The following EXOC1 variants were observed in gnomAD, a reference collection of about 807,000 sequenced individuals.
EXOC1 encodes exocyst complex component 1.
EXOC1 carries 67 observed loss-of-function variants against 107.7 expected under a neutral mutation model. The ratio of observed to expected loss-of-function variants is 0.62; its 90% confidence interval spans 0.51 to 0.76. The LOEUF is 0.76. EXOC1 is among the 30% of genes least tolerant of loss of function. The pLI, the probability that EXOC1 is intolerant of heterozygous loss-of-function variation, is 0.00. For missense variants in EXOC1, 833 were observed against 1,055.7 expected, an observed-to-expected ratio of 0.79 and a Z score of 2.92; for synonymous variants, 348 against 353.5, an observed-to-expected ratio of 0.98 and a Z score of 0.17.
intron 9 of EXOC1, chr4:55,882,793 C>T (rs937493297): frequency 6.6e-6 from 1 of 151,996 alleles, no homozygotes; most frequent in Admixed American, 6.6e-5. Context: ...TAAACATGTT[C>T]TAAAAATTGA....
rs767840491 is a variant in EXOC1 at position 55,871,962 on chromosome 4, A to G, written c.1074+4A>G. ...CAACAATGTTTTTGTTCAACAGGTA[A>G]TTTTATTTTATTATTAAAACGAGCA... On this transcript the variant is annotated splice_donor_region_variant and intron_variant, in intron 8 of 18. Coordinates refer to ENST00000381295, the MANE Select transcript of EXOC1 (RefSeq NM_001024924.2). The G allele has an allele frequency of 1.6e-5, 25 of 1,610,150 alleles. No individual in the cohort carries two copies. Among genetic ancestry groups the G allele is most frequent in the Non-Finnish European group, 2.0e-5 (24 of 1,177,344 alleles).
Position 55,899,818 on chromosome 4 carries a change from A to G in EXOC1, c.2271A>G (p.Gln757=), listed in dbSNP as rs1725684310. 11 of 1,613,482 alleles carry G rather than the reference A, an allele frequency of 6.8e-6. No homozygotes were observed. The highest frequency in any genetic ancestry group is 8.5e-6 in the Non-Finnish European group (10 of 1,179,754). The part of the protein sequence containing the change: ...CLEAEKKEAK[Q]KYTDHLQSYV... ...AAGCAGAAAAAAAAGAAGCCAAACA[A>G]AAATACACAGATCACCTTCAGTCTT... Residue 757 remains glutamine (Q), a synonymous_variant, in exon 17 of 19, where the codon CAA becomes CAG. Transcript: ENST00000381295.
chr4:55,866,915 C>A, intron 4 of EXOC1: 1 of 984,480 alleles, frequency 1.0e-6, no homozygotes, highest in Non-Finnish European at 1.2e-6. Context: ...TTTTCTTCTT[C>A]TATTCCATAT....
At chr4:55,856,323 G>A (rs79919281) in intron 1 of EXOC1, among the ~76,000 whole-genome samples, 2,271 of 152,316 alleles carry the variant, frequency 0.015, 39 homozygotes, top group African/African-American at 0.046. Context: ...ATAGGGAAAT[G>A]AGCACTGTCT....
chr4:55,883,878 A>G lies in EXOC1; in HGVS notation c.1280A>G (p.Glu427Gly). The change falls in exon 10 of 19, where the codon GAA (glutamate) becomes GGA (glycine). Residue 427 changes from glutamate (E) to glycine (G), a missense_variant. Physicochemically the swap from Glu to Gly is moderately conservative, Grantham distance 98. Transcript: ENST00000381295. ...LYEREIKDFFEVAKIKMTGTT... is the reference protein window; with the variant it reads ...LYEREIKDFFGVAKIKMTGTT... The stretch of plus-strand genomic sequence containing the variant: ...GAAAGAGAAATCAAAGATTTCTTTG[A>G]AGTTGCAAAGATCAAGATGACTGGC... 1.2e-6 allele frequency: 2 copies of G among 1,607,798 alleles called. No homozygotes were observed. Among genetic ancestry groups the G allele is most frequent in the South Asian group, 2.2e-5 (2 of 89,338 alleles).
intron 1 of EXOC1, among the ~76,000 whole-genome samples, chr4:55,856,236 CA>C (rs1167224808): frequency 3.2e-4 from 48 of 152,232 alleles, no homozygotes; most frequent in African/African-American, 1.1e-3. Flanking sequence ...GAAAATAATA[CA>C]GTTTATGGAG....
chr4:55,871,149 G>A lies in EXOC1; in HGVS notation c.880G>A (p.Asp294Asn). ...KGHIKALQEG[D>N]LASSRGIEAC... ...TCATATAAAGGCCCTTCAGGAAGGAGATCTTGCTTCTTCCAGAGGCATTGA... is the reference window on the plus strand; with the variant it reads ...TCATATAAAGGCCCTTCAGGAAGGAAATCTTGCTTCTTCCAGAGGCATTGA... The change falls in exon 7 of 19, where the codon GAT becomes AAT. Residue 294 changes from aspartate (D) to asparagine (N), a missense_variant. Physicochemically the swap from Asp to Asn is conservative, Grantham distance 23. Around this residue, in one of 2 missense-constraint regions of EXOC1, gnomAD observed 617 missense variants for 701.3 expected, o/e 0.88. Transcript: ENST00000381295. 1 of 1,613,926 alleles carries A rather than the reference G, an allele frequency of 6.2e-7. No homozygotes were observed. The highest frequency in any genetic ancestry group is 8.5e-7 in the Non-Finnish European group (1 of 1,179,906).
At chr4:55,866,729 G>C (rs191078550) in intron 4 of EXOC1, 14 of 305,328 alleles carry the variant, frequency 4.6e-5, no homozygotes, top group Non-Finnish European at 5.8e-5. Context: ...CTTGGTAGTT[G>C]ATTTGGCTGT....
intron 13 of EXOC1, 116 bp downstream of exon 13, chr4:55,891,538 G>A: frequency 1.4e-6 from 1 of 712,482 alleles, no homozygotes. Context: ...TATCATGTAA[G>A]GATTTTTTTA....
intron 15 of EXOC1, 103 bp downstream of exon 15, chr4:55,893,883 C>T (rs555433620): frequency 1.0e-6 from 1 of 953,666 alleles, no homozygotes; most frequent in African/African-American, 1.7e-5. Context: ...GTTGGGGAAT[C>T]TGTTGTTTAT....
chr4:55,902,773 T>TTTGGTTGGTTGG (rs6148450), intron 18 of EXOC1, among the ~76,000 whole-genome samples: 75 of 150,002 alleles, frequency 5.0e-4, no homozygotes, highest in Non-Finnish European at 6.2e-4. Context: ...TTTGTTTTTC[T>TTTGGTTGGTTGG]TTGGTTGGTT....
Position 55,905,073 on chromosome 4 carries a change from T to A in EXOC1, c.*578T>A, listed in dbSNP as rs1391609505. On this transcript the variant is annotated 3_prime_UTR_variant, in exon 19 of 19. Coordinates refer to ENST00000381295, the MANE Select transcript of EXOC1 (RefSeq NM_001024924.2). ...TGCTGTCTTCTGTATTAAAGCAAGT[T>A]CTTACAAAATCCATATACAAAAATT... The A allele has an allele frequency of 6.6e-6, 1 of 152,168 alleles. No homozygotes were observed. Among genetic ancestry groups the A allele is most frequent in the Non-Finnish European group, 1.5e-5 (1 of 68,034 alleles). 9.4% of individuals were successfully genotyped at this position (152,168 alleles called of 1,614,324 possible).
At chr4:55,894,733 C>G (rs1013620158) in intron 15 of EXOC1, among the ~76,000 whole-genome samples, 2 of 147,858 alleles carry the variant, frequency 1.4e-5, no homozygotes, top group Non-Finnish European at 3.0e-5. Context: ...AGTGATTCTC[C>G]TGCCTCAGCC....
intron 14 of EXOC1, 28 bp from the exon 15 acceptor site, chr4:55,893,522 CTT>C: frequency 6.3e-7 from 1 of 1,594,980 alleles, no homozygotes; most frequent in Non-Finnish European, 8.6e-7. Context: ...CTTGTTATAA[CTT>C]TATACTTCTT....
At chr4:55,877,112 T>G (rs750259169) in intron 8 of EXOC1, 36 of 975,182 alleles carry the variant, frequency 3.7e-5, no homozygotes, top group South Asian at 3.3e-4. Flanking sequence ...AAGAAATCCC[T>G]TTTAACTTAA....
chr4:55,895,445 C>T (rs1725089476), intron 15 of EXOC1, among the ~76,000 whole-genome samples: 1 of 152,168 alleles, frequency 6.6e-6, no homozygotes, highest in Non-Finnish European at 1.5e-5. Flanking sequence ...TTTTTCACCT[C>T]ACAGTTACCA....
At chr4:55,878,644 A>T (rs542389430) in intron 9 of EXOC1, among the ~76,000 whole-genome samples, 1 of 152,342 alleles carries the variant, frequency 6.6e-6, no homozygotes, top group South Asian at 2.1e-4. Flanking sequence ...AACTTCATGG[A>T]CAATATCAGA....
chr4:55,856,911 T>C (rs1262878193), intron 1 of EXOC1, among the ~76,000 whole-genome samples: 1 of 152,046 alleles, frequency 6.6e-6, no homozygotes, highest in Non-Finnish European at 1.5e-5. Context: ...ATCATTACTA[T>C]CTAGTTGAAA....
chr4:55,864,042 G>C (rs867481608), intron 3 of EXOC1, among the ~76,000 whole-genome samples, 185 bp from the exon 4 acceptor site: 12 of 152,198 alleles, frequency 7.9e-5, no homozygotes, highest in African/African-American at 2.9e-4. Context: ...TTTTCATCCA[G>C]CTCCTTTGGG....
Sources: allele counts gnomAD v4.1 joint callset (sites outside exome capture counted in the v4.1 genomes callset), GRCh38; gene constraint gnomAD v4.1.1; regional missense constraint gnomAD v4.1.1; transcripts MANE v1.5; gene names NCBI Gene and HGNC (gene_info 2026-07-23, HGNC 2026-07-21).